GIGYF2: variants seen among roughly 807,000 people sequenced by gnomAD.
The protein encoded by GIGYF2 is GRB10-interacting GYF protein 2.
Under a neutral mutation model 208.1 loss-of-function variants are expected in GIGYF2, and 25 were observed. The ratio of observed to expected loss-of-function variants is 0.12; its 90% CI spans 0.09 to 0.17. The LOEUF (loss-of-function observed/expected upper bound fraction) is 0.17, where lower values mean the gene tolerates loss of function less well. GIGYF2 is among the 10% of genes least tolerant of loss of function. The pLI, the probability that GIGYF2 is intolerant of heterozygous loss-of-function variation, is 1.00. For synonymous variants in GIGYF2, 534 were observed against 543.8 expected, an observed-to-expected ratio of 0.98 and a Z score of 0.25; for missense variants, 1,302 against 1,579.4, an observed-to-expected ratio of 0.82 and a Z score of 2.98.
intron 2 of GIGYF2, among the ~76,000 whole-genome samples, chr2:232,730,822 C>A (rs1181168843): frequency 7.9e-6 from 1 of 127,382 alleles, no homozygotes; most frequent in African/African-American, 3.0e-5. Flanking sequence ...GGCGTGAACC[C>A]GGGAGGCGGA....
chr2:232,778,874 C>T (rs566973798), intron 8 of GIGYF2, among the ~76,000 whole-genome samples: 4 of 152,206 alleles, frequency 2.6e-5, no homozygotes, highest in South Asian at 2.1e-4. Flanking sequence ...TGAGGAAGAA[C>T]GCTACTAGAC....
At chr2:232,801,571 C>G (rs978310545) in intron 14 of GIGYF2, among the ~76,000 whole-genome samples, 1 of 152,144 alleles carries the variant, frequency 6.6e-6, no homozygotes, top group African/African-American at 2.4e-5. Flanking sequence ...TTTTTAAATA[C>G]GCATACATAT....
intron 3 of GIGYF2, among the ~76,000 whole-genome samples, chr2:232,740,180 G>A (rs75846353): frequency 0.01 from 1,553 of 152,160 alleles, 24 homozygotes; most frequent in African/African-American, 0.035. Flanking sequence ...CTATTCAGTC[G>A]AGTGTGGTGG....
At chr2:232,809,435 G>A (rs1700664162) in intron 15 of GIGYF2, among the ~76,000 whole-genome samples, 1 of 152,160 alleles carries the variant, frequency 6.6e-6, no homozygotes. Context: ...CTGAAGTACA[G>A]TTGAACATTC....
At chr2:232,784,517 G>A (rs1699842651) in intron 8 of GIGYF2, among the ~76,000 whole-genome samples, 1 of 43,252 alleles carries the variant, frequency 2.3e-5, no homozygotes, top group African/African-American at 1.6e-4. Flanking sequence ...AGCCTCCTGA[G>A]TAGCTTGGGA....
chr2:232,814,565 A>ATGGCCCC, intron 18 of GIGYF2, among the ~76,000 whole-genome samples: 1 of 75,966 alleles, frequency 1.3e-5, no homozygotes, highest in Admixed American at 1.7e-4. Flanking sequence ...TCCACCTCAA[A>ATGGCCCC]CCCCCCCCCC....
At chr2:232,840,077 G>T in intron 23 of GIGYF2, 106 bp downstream of exon 23, 2 of 1,208,838 alleles carry the variant, frequency 1.7e-6, no homozygotes. Context: ...GAATTGTTGT[G>T]TGTCTGAATT....
At chr2:232,829,550 T>G (rs1701354802) in intron 21 of GIGYF2, among the ~76,000 whole-genome samples, 1 of 152,240 alleles carries the variant, frequency 6.6e-6, no homozygotes, top group South Asian at 2.1e-4. Flanking sequence ...AGCAGAAATC[T>G]CTAATCTCAG....
chr2:232,817,875 C>T (rs1312917175), intron 20 of GIGYF2, among the ~76,000 whole-genome samples: 3 of 152,176 alleles, frequency 2.0e-5, no homozygotes, highest in African/African-American at 7.2e-5. Context: ...TTGCTTTCAA[C>T]ACTTTCCTAG....
chr2:232,705,150 C>T (rs897334767), intron 2 of GIGYF2, among the ~76,000 whole-genome samples: 9 of 151,920 alleles, frequency 5.9e-5, no homozygotes, highest in African/African-American at 1.5e-4. Context: ...TGAGCCACCG[C>T]GCCCGGCCAA....
At chr2:232,797,077 A>C (rs1392310139) in intron 14 of GIGYF2, among the ~76,000 whole-genome samples, 1 of 84,606 alleles carries the variant, frequency 1.2e-5, no homozygotes, top group Non-Finnish European at 2.2e-5. Flanking sequence ...GAGGACCTTG[A>C]CTGTTTTTTT....
rs372956928 is a variant in GIGYF2, at chr2:232,832,999, G to A, written c.2672G>A (p.Arg891Gln). ...ERKRKELEVQ[R>Q]QKELMRQRQQ... The stretch of plus-strand genomic sequence containing the variant: ...AAGAGAAAGGAGCTGGAGGTCCAGC[G>A]GCAGAAGGAGTTAATGCGCCAGAGG... Residue 891 changes from arginine to glutamine, a missense_variant, in exon 22 of 29, where the codon CGG becomes CAG. Transcript: ENST00000373563. 1.0e-5 allele frequency: 16 copies of A among 1,572,870 alleles called. No homozygotes were observed. Among genetic ancestry groups the A allele is most frequent in the African/African-American group, 2.7e-5 (2 of 74,014 alleles).
intron 12 of GIGYF2, 82 bp downstream of exon 12, chr2:232,791,528 G>A (rs1700070607): frequency 1.7e-6 from 2 of 1,209,258 alleles, no homozygotes; most frequent in East Asian, 2.5e-5. Context: ...TTCTGCTTAT[G>A]CCTCCTAGAA....
Position 232,823,367 on chromosome 2 carries a change from CTT to C in GIGYF2, c.2529+3396_2529+3397del, listed in dbSNP as rs1172308444. Among the ~76,000 whole-genome samples, 140 of 27,858 alleles carry C rather than the reference CTT, an allele frequency of 5.0e-3. 1 individual carries two copies. The highest frequency in any genetic ancestry group is 0.011 in the African/African-American group (110 of 10,278). The allele number at this position is 27,858 out of a possible 152,430, so 18.3% of individuals were successfully genotyped here. A position where few individuals can be genotyped will look rare whatever the true frequency, so the allele number is the denominator to read the frequency against. On this transcript the variant is annotated intron_variant, in intron 21 of 28. Coordinates refer to ENST00000373563, the MANE Select transcript of GIGYF2 (RefSeq NM_001103146.3). ...CTTTCTCTTTTTCCTTTCTTTCTTT[CTT>C]TTTTTTTTTTTTTATTGAGATGGTC...
chr2:232,735,513 C>T (rs1697696194), intron 3 of GIGYF2: 4 of 347,078 alleles, frequency 1.2e-5, no homozygotes, highest in Non-Finnish European at 2.0e-5. Context: ...TTATTTGAGT[C>T]GTTGTCTAGG....
chr2:232,766,925 T>C (rs1344416533), intron 8 of GIGYF2: 1 of 152,208 alleles, frequency 6.6e-6, no homozygotes, highest in South Asian at 2.1e-4. Context: ...GTTTGAAACC[T>C]GATAGGGTGA....
At chr2:232,781,103 G>A (rs1031995363) in intron 8 of GIGYF2, among the ~76,000 whole-genome samples, 10 of 151,794 alleles carry the variant, frequency 6.6e-5, no homozygotes, top group South Asian at 2.1e-4. Context: ...GACTACAGGC[G>A]CACACTACCA....
chr2:232,772,338 G>C (rs1022396413), intron 8 of GIGYF2, among the ~76,000 whole-genome samples: 2 of 152,246 alleles, frequency 1.3e-5, no homozygotes, highest in South Asian at 2.1e-4. Flanking sequence ...GATTAGATTG[G>C]GGGGTAGAAA....
chr2:232,788,289 A>T (rs1287459949), intron 9 of GIGYF2: 1 of 165,420 alleles, frequency 6.0e-6, no homozygotes, highest in Non-Finnish European at 1.3e-5. Context: ...AGATAGAAAC[A>T]TACTGAAGTT....
Sources: gnomAD v4.1 joint callset for allele counts (sites outside exome capture counted in the v4.1 genomes callset) on GRCh38, gnomAD v4.1.1 for gene constraint, MANE v1.5 for transcripts, NCBI Gene and HGNC (gene_info 2026-07-23, HGNC 2026-07-21) for gene names.